ST6GAL1: variants seen among roughly 807,000 people sequenced by gnomAD.
ST6GAL1 encodes the protein beta-galactoside alpha-2,6-sialyltransferase 1.
In ST6GAL1, 20 loss-of-function variants were observed where a neutral mutation model predicts 38.0. The ratio of observed to expected loss-of-function variants is 0.53; its 90% confidence interval spans 0.37 to 0.77. The LOEUF is 0.77. ST6GAL1 is among the 30% of genes least tolerant of loss of function. The pLI is 0.00. For missense variants in ST6GAL1, 432 were observed against 496.4 expected (o/e 0.87, Z 1.23); for synonymous variants, 196 against 188.2 (o/e 1.04, Z -0.34).
intron 2 of ST6GAL1, among the ~76,000 whole-genome samples, chr3:186,970,113 G>A (rs1292354802): frequency 2.6e-5 from 4 of 151,996 alleles, no homozygotes; most frequent in African/African-American, 7.2e-5. Flanking sequence ...ATCTGAGATT[G>A]GTACAACATG....
Position 187,074,310 on chromosome 3 carries a change from A to AC in ST6GAL1, c.962dup (p.Ser322IlefsTer15), listed in dbSNP as rs1203976147. ...ATCTCCCCAGAAGAGATTCAGCCAA[A>AC]CCCCCCATCCTCTGGGATGCTTGGT... is the stretch of plus-strand genomic sequence containing the variant. On this transcript the variant is annotated frameshift_variant, in exon 7 of 8. Coordinates refer to ENST00000169298, the MANE Select transcript of ST6GAL1 (RefSeq NM_173216.2). LOFTEE classifies it high-confidence loss of function. 1.3e-6 allele frequency: 2 copies of AC among 1,596,430 alleles called. No homozygotes were observed. Among genetic ancestry groups the AC allele is most frequent in the Non-Finnish European group, 1.7e-6 (2 of 1,172,052 alleles).
intron 2 of ST6GAL1, among the ~76,000 whole-genome samples, chr3:187,022,937 A>G (rs1717381669): frequency 1.3e-5 from 2 of 152,342 alleles, no homozygotes; most frequent in South Asian, 2.1e-4. Context: ...TATTGTGTAT[A>G]GTTTGGTATC....
At chr3:187,037,512 C>T (rs1262822811) in intron 2 of ST6GAL1, among the ~76,000 whole-genome samples, 1 of 152,020 alleles carries the variant, frequency 6.6e-6, no homozygotes. Flanking sequence ...TTAAACTTTT[C>T]CTTTGCTATT....
intron 2 of ST6GAL1, among the ~76,000 whole-genome samples, chr3:186,971,065 G>A (rs1164530447): frequency 6.6e-6 from 1 of 152,200 alleles, no homozygotes; most frequent in Non-Finnish European, 1.5e-5. Flanking sequence ...AGCATTTGGT[G>A]TTGTCACTTT....
chr3:187,076,026 A>T lies in ST6GAL1; in HGVS notation c.*223A>T, dbSNP rs181640095. On this transcript the variant is annotated 3_prime_UTR_variant, in exon 8 of 8. Transcript: ENST00000169298. ...GAGCCCAGAGCCTCCTGCCACACAC[A>T]TGCACACATATCTAGCATTCTTTCC... 1 of 581,162 alleles carries T rather than the reference A, an allele frequency of 1.7e-6. No individual in the cohort carries two copies. The highest frequency in any genetic ancestry group is 3.0e-6 in the Non-Finnish European group (1 of 335,448). The allele number at this position is 581,162 out of a possible 1,614,324, so 36.0% of individuals were successfully genotyped here. A position where few individuals can be genotyped will look rare whatever the true frequency, so the allele number is the denominator to read the frequency against.
chr3:186,964,348 A>G (rs1482499770), intron 2 of ST6GAL1: 1 of 151,880 alleles, frequency 6.6e-6, no homozygotes, highest in Non-Finnish European at 1.5e-5. Flanking sequence ...AGAGTGAAAC[A>G]TTATGCAGAG....
chr3:187,055,516 C>T (rs1369040025), intron 5 of ST6GAL1, among the ~76,000 whole-genome samples: 5 of 152,118 alleles, frequency 3.3e-5, no homozygotes, highest in Non-Finnish European at 7.4e-5. Context: ...TCTTTGTTCT[C>T]ATTGGTTTCA....
intron 1 of ST6GAL1, among the ~76,000 whole-genome samples, chr3:186,940,940 G>A (rs1279802674): frequency 6.6e-6 from 1 of 152,188 alleles, no homozygotes. Context: ...GTAAATGTCA[G>A]TGGGTTAAAT....
chr3:186,982,535 G>A (rs535900071), intron 2 of ST6GAL1, among the ~76,000 whole-genome samples: 4 of 152,282 alleles, frequency 2.6e-5, no homozygotes, highest in Admixed American at 6.5e-5. Context: ...AGTACAGGAA[G>A]TGAGAGGAAG....
chr3:186,980,697 C>A (rs575363497), intron 2 of ST6GAL1, among the ~76,000 whole-genome samples: 1 of 149,816 alleles, frequency 6.7e-6, no homozygotes. Flanking sequence ...ATCACTTGAA[C>A]CTGGGAGGTG....
At chr3:186,968,138 C>T (rs914113237) in intron 2 of ST6GAL1, among the ~76,000 whole-genome samples, 8 of 152,164 alleles carry the variant, frequency 5.3e-5, no homozygotes, top group African/African-American at 1.7e-4. Flanking sequence ...CATCACAGTA[C>T]GGAGAAAAGT....
chr3:186,997,343 G>A (rs1396515897), intron 2 of ST6GAL1, among the ~76,000 whole-genome samples: 8 of 152,176 alleles, frequency 5.3e-5, no homozygotes, highest in African/African-American at 1.9e-4. Flanking sequence ...CATCTAGTTA[G>A]TAATGGTGGA....
chr3:187,031,494 G>T (rs1386272093), intron 2 of ST6GAL1, among the ~76,000 whole-genome samples: 1 of 151,616 alleles, frequency 6.6e-6, no homozygotes, highest in Non-Finnish European at 1.5e-5. Flanking sequence ...GCAGTGCAGT[G>T]GTGTGATCTC....
chr3:186,939,385 ACTT>A (rs1714082786), intron 1 of ST6GAL1, among the ~76,000 whole-genome samples: 1 of 152,074 alleles, frequency 6.6e-6, no homozygotes, highest in South Asian at 2.1e-4. Flanking sequence ...CAACCTGGGC[ACTT>A]CTTAAGCTTT....
chr3:187,073,495 T>G (rs776930316), intron 6 of ST6GAL1: 1 of 160,706 alleles, frequency 6.2e-6, no homozygotes, highest in African/African-American at 2.4e-5. Context: ...AGCAGCTCTT[T>G]CCGGGGAAGG....
At chr3:186,984,868 C>A (rs1423068160) in intron 2 of ST6GAL1, among the ~76,000 whole-genome samples, 1 of 135,228 alleles carries the variant, frequency 7.4e-6, no homozygotes, top group Non-Finnish European at 1.6e-5. Context: ...TCCTTCCTTC[C>A]GTCCTTCCTT....
chr3:186,995,928 G>C (rs1716389928), intron 2 of ST6GAL1, among the ~76,000 whole-genome samples: 1 of 152,138 alleles, frequency 6.6e-6, no homozygotes, highest in African/African-American at 2.4e-5. Flanking sequence ...ATAATCTTTG[G>C]GTGAGGTGTG....
chr3:186,976,796 C>G (rs933306000), intron 2 of ST6GAL1, among the ~76,000 whole-genome samples: 1 of 152,210 alleles, frequency 6.6e-6, no homozygotes, highest in African/African-American at 2.4e-5. Flanking sequence ...GAAATAGAGG[C>G]TCCTAGAGAC....
chr3:187,000,748 CATTT>C (rs1716591394), intron 2 of ST6GAL1, among the ~76,000 whole-genome samples: 1 of 152,178 alleles, frequency 6.6e-6, no homozygotes, highest in Non-Finnish European at 1.5e-5. Flanking sequence ...GGCACCCACA[CATTT>C]ATGTTTCTTT....
Sources: gnomAD v4.1 joint callset for allele counts (sites outside exome capture counted in the v4.1 genomes callset) on GRCh38, gnomAD v4.1.1 for gene constraint, MANE v1.5 for transcripts, NCBI Gene and HGNC (gene_info 2026-07-23, HGNC 2026-07-21) for gene names.